The following RPH3AL variants were observed in gnomAD, a reference collection of about 807,000 sequenced individuals.
RPH3AL encodes the protein rab effector Noc2.
Under a neutral mutation model 43.1 loss-of-function variants are expected in RPH3AL, and 38 were observed. The ratio of observed to expected loss-of-function variants is 0.88; its 90% CI spans 0.68 to 1.15. RPH3AL has a LOEUF of 1.15. Ranked by LOEUF, RPH3AL falls within the 50% of genes most tolerant of loss-of-function variation. The probability of loss-of-function intolerance (pLI) is 0.00; values close to 1 mark genes in which losing one functional copy is unlikely to be tolerated. For synonymous variants in RPH3AL, 189 were observed against 176.3 expected (o/e 1.07, Z -0.57); for missense variants, 462 against 423.2 (o/e 1.09, Z -0.81).
intron 1 of RPH3AL, among the ~76,000 whole-genome samples, chr17:346,986 CG>C (rs2045248484): frequency 7.4e-6 from 1 of 135,626 alleles, no homozygotes; most frequent in East Asian, 2.4e-4. Flanking sequence ...CGGCCAGGCG[CG>C]GTGGCTCACG....
Position 219,645 on chromosome 17 carries a change from G to A in RPH3AL, c.705C>T (p.Gly235=), listed in dbSNP as rs138331851. ...LPSTGVRDRK[G]DKPWKESGGS... The stretch of plus-strand genomic sequence containing the variant: ...TACCTGACTCCTTCCAGGGTTTGTC[G>A]CCTTTCCGGTCCCTGACCCCAGTGG... Residue 235 remains glycine (G), a synonymous_variant, in exon 8 of 10, where the codon GGC becomes GGT. Transcript: ENST00000331302. 274 of 1,609,974 alleles carry A rather than the reference G, an allele frequency of 1.7e-4. 1 individual carries two copies. The highest frequency in any genetic ancestry group is 1.5e-3 in the Middle Eastern group (9 of 6,060).
At chr17:240,472 C>G (rs1374735340) in intron 7 of RPH3AL, among the ~76,000 whole-genome samples, 3 of 152,172 alleles carry the variant, frequency 2.0e-5, no homozygotes, top group African/African-American at 7.2e-5. Flanking sequence ...TCCCCAAGCC[C>G]TGGCAACCGC....
intron 1 of RPH3AL, among the ~76,000 whole-genome samples, chr17:341,858 T>C (rs2151730611): frequency 6.6e-6 from 1 of 152,342 alleles, no homozygotes; most frequent in South Asian, 2.1e-4. Context: ...GACTTTATCG[T>C]AATTTGTAAA....
At chr17:218,661 TC>T (rs1388168919) in intron 8 of RPH3AL, among the ~76,000 whole-genome samples, 1 of 152,202 alleles carries the variant, frequency 6.6e-6, no homozygotes, top group East Asian at 1.9e-4. Context: ...AAAATGTCTT[TC>T]CTTTCCTCTC....
At chr17:305,643 T>C (rs1196551439) in intron 5 of RPH3AL, among the ~76,000 whole-genome samples, 1 of 152,022 alleles carries the variant, frequency 6.6e-6, no homozygotes, top group Non-Finnish European at 1.5e-5. Context: ...CACACAGACA[T>C]TCAGGCAGGT....
intron 3 of RPH3AL, among the ~76,000 whole-genome samples, chr17:321,915 G>T (rs577515784): frequency 6.6e-6 from 1 of 152,370 alleles, no homozygotes; most frequent in African/African-American, 2.4e-5. Context: ...CACGAGAGGT[G>T]TCAAGGGAGG....
chr17:301,985 C>T (rs957536708), intron 5 of RPH3AL, among the ~76,000 whole-genome samples: 13 of 152,220 alleles, frequency 8.5e-5, no homozygotes, highest in Non-Finnish European at 1.5e-4. Flanking sequence ...CTCAGAAGCA[C>T]CCCCACCCTG....
rs1223642183 is a variant in RPH3AL, at chr17:213,471, C to G, written c.*381G>C. On this transcript the variant is annotated 3_prime_UTR_variant, in exon 10 of 10. Transcript: ENST00000331302. The stretch of plus-strand genomic sequence containing the variant: ...GGCCGTGCCCTAGGTTTCATTTAGT[C>G]TTGCCATTAATATAGCAACGGAGAT... The G allele has an allele frequency of 3.2e-6, 1 of 309,460 alleles. No homozygotes were observed. Among genetic ancestry groups the G allele is most frequent in the Non-Finnish European group, 6.2e-6 (1 of 162,134 alleles). 19.2% of individuals were successfully genotyped at this position (309,460 alleles called of 1,614,324 possible).
At chr17:316,719 C>CT (rs2044228169) in intron 5 of RPH3AL, among the ~76,000 whole-genome samples, 1 of 148,462 alleles carries the variant, frequency 6.7e-6, no homozygotes, top group Non-Finnish European at 1.5e-5. Context: ...AGTCTCTGTG[C>CT]CCCACCTCCA....
chr17:217,376 A>AC lies in RPH3AL; in HGVS notation c.728-1575dup, dbSNP rs1226066702. Among the ~76,000 whole-genome samples the AC allele has an allele frequency of 3.2e-5, 2 of 62,112 alleles. 1 individual carries two copies. Among genetic ancestry groups the AC allele is most frequent in the Non-Finnish European group, 9.9e-5 (2 of 20,292 alleles). The allele number at this position is 62,112 out of a possible 152,430, so 40.7% of individuals were successfully genotyped here. ...TAAAATTGGCCTCACTGAAATCAGG[A>AC]CCCCCAAGGCATTTCGTTCCCATCT... On this transcript the variant is annotated intron_variant, in intron 8 of 9. Transcript: ENST00000331302.
At position 335,180 on chromosome 17, in the gene RPH3AL, G is replaced by A. The variant is rs75880083; in HGVS notation, c.-212-1246C>T. On this transcript the variant is annotated intron_variant, in intron 1 of 9. Transcript: ENST00000331302. Reference sequence around the variant, plus strand: ...CACAGCCACACTGTGACCCCCGAGCGACTGTGACAAAGGGGGCCCGGGTAT... The same window carrying A: ...CACAGCCACACTGTGACCCCCGAGCAACTGTGACAAAGGGGGCCCGGGTAT... 4.1e-3 allele frequency among the ~76,000 whole-genome samples: 624 copies of A among 152,298 alleles called. 6 individuals are homozygous for A. The highest frequency in any genetic ancestry group is 0.014 in the African/African-American group (596 of 41,560).
At chr17:227,693 C>G (rs2041137634) in intron 7 of RPH3AL, among the ~76,000 whole-genome samples, 1 of 152,170 alleles carries the variant, frequency 6.6e-6, no homozygotes, top group African/African-American at 2.4e-5. Flanking sequence ...GGCCACAGAG[C>G]ATTGCCGCCC....
chr17:267,694 A>G (rs1053057767), intron 6 of RPH3AL, among the ~76,000 whole-genome samples: 2 of 152,114 alleles, frequency 1.3e-5, no homozygotes, highest in South Asian at 2.1e-4. Flanking sequence ...GAAAGCCTCT[A>G]GTTCTGAAGT....
intron 6 of RPH3AL, among the ~76,000 whole-genome samples, chr17:252,959 T>C (rs2041944689): frequency 6.6e-6 from 1 of 152,202 alleles, no homozygotes; most frequent in African/African-American, 2.4e-5. Flanking sequence ...ACTGTGTGTT[T>C]GGATGATGAC....
At chr17:258,075 G>T (rs1460443300) in intron 6 of RPH3AL, among the ~76,000 whole-genome samples, 1 of 152,062 alleles carries the variant, frequency 6.6e-6, no homozygotes, top group Non-Finnish European at 1.5e-5. Flanking sequence ...AGCAACCCGT[G>T]TCAGCACGTC....
At chr17:298,289 T>C (rs1374530098) in intron 5 of RPH3AL, among the ~76,000 whole-genome samples, 1 of 151,238 alleles carries the variant, frequency 6.6e-6, no homozygotes, top group African/African-American at 2.4e-5. Context: ...ATCTCAGGGG[T>C]AGAGCACCGG....
At chr17:229,556 G>A (rs1323576068) in intron 7 of RPH3AL, among the ~76,000 whole-genome samples, 1 of 152,184 alleles carries the variant, frequency 6.6e-6, no homozygotes, top group African/African-American at 2.4e-5. Flanking sequence ...TCTGAGCCAC[G>A]ACGGAGGGAC....
rs116324211 is a variant in RPH3AL at position 228,758 on chromosome 17, C to T, written c.614-9022G>A. On this transcript the variant is annotated intron_variant, in intron 7 of 9. Transcript: ENST00000331302. ...GCCCCAGGGTCCTGCCTGACCCTAA[C>T]GGCTCTATCCCCTCAGAAATCCTCC... is the stretch of plus-strand genomic sequence containing the variant. Among the ~76,000 whole-genome samples the T allele has an allele frequency of 8.1e-3, 1,233 of 152,272 alleles. 14 individuals are homozygous for T. Among genetic ancestry groups the T allele is most frequent in the African/African-American group, 0.027 (1,133 of 41,540 alleles).
chr17:335,308 A>T (rs946450556), intron 1 of RPH3AL, among the ~76,000 whole-genome samples: 2 of 152,258 alleles, frequency 1.3e-5, no homozygotes, highest in South Asian at 4.1e-4. Context: ...GGCTGGGGGA[A>T]GTCGCTGTGC....
Sources: gnomAD v4.1 joint callset for allele counts (sites outside exome capture counted in the v4.1 genomes callset) on GRCh38, gnomAD v4.1.1 for gene constraint, MANE v1.5 for transcripts, NCBI Gene and HGNC (gene_info 2026-07-23, HGNC 2026-07-21) for gene names.